Variants in TDP1 observed in about 807,000 individuals in gnomAD.
TDP1 encodes tyrosyl-DNA phosphodiesterase 1.
A neutral mutation model predicts 81.5 loss-of-function variants in TDP1; 64 were observed. The observed-to-expected ratio is 0.79, with a 90% CI of 0.64 to 0.97. TDP1 has a LOEUF of 0.97. TDP1 is among the 50% of genes least tolerant of loss of function. The pLI is 0.00. For synonymous variants in TDP1, 256 were observed against 264.3 expected, an observed-to-expected ratio of 0.97 and a Z score of 0.30; for missense variants, 723 against 743.8, an observed-to-expected ratio of 0.97 and a Z score of 0.33.
At chr14:89,983,052 T>TA in intron 8 of TDP1, 1 of 451,354 alleles carries the variant, frequency 2.2e-6, no homozygotes, top group Non-Finnish European at 4.4e-6. Flanking sequence ...TGTGATGTGT[T>TA]AAAAATGCCT....
At chr14:89,983,154 A>T (rs921375721) in intron 8 of TDP1, 5 of 455,748 alleles carry the variant, frequency 1.1e-5, no homozygotes, top group African/African-American at 1.0e-4. Context: ...GAGGAGCCTC[A>T]CTCAGCCTGG....
At chr14:90,002,352 G>A (rs888340417) in intron 14 of TDP1, among the ~76,000 whole-genome samples, 1 of 152,118 alleles carries the variant, frequency 6.6e-6, no homozygotes, top group Non-Finnish European at 1.5e-5. Flanking sequence ...TTTGGAAAAC[G>A]CATTTATACC....
chr14:89,991,597 G>T, intron 12 of TDP1: 1 of 985,090 alleles, frequency 1.0e-6, no homozygotes, highest in Non-Finnish European at 1.2e-6. Context: ...TTTTCAGTAT[G>T]TTTGTGTTAC....
rs1347483075 is a variant in TDP1, at chr14:89,984,561, C to G, written c.930C>G (p.His310Gln). 5 of 1,613,998 alleles carry G rather than the reference C, an allele frequency of 3.1e-6. No individual in the cohort carries two copies. The highest frequency in any genetic ancestry group is 3.4e-6 in the Non-Finnish European group (4 of 1,180,032). Reference protein sequence around the residue: ...PLYPRIADGTHKSGESPTHFK... With the variant: ...PLYPRIADGTQKSGESPTHFK... ...ACCCACGAATTGCTGATGGAACCCA[C>G]AAATCTGGAGAGTCGCCAACACATT... Residue 310 changes from histidine to glutamine, a missense_variant, in exon 9 of 17, where the codon CAC becomes CAG. Coordinates refer to ENST00000335725, the MANE Select transcript of TDP1 (RefSeq NM_018319.4).
intron 14 of TDP1, among the ~76,000 whole-genome samples, chr14:89,994,051 C>A (rs1043676016): frequency 1.3e-4 from 20 of 152,114 alleles, no homozygotes; most frequent in South Asian, 6.2e-4. Context: ...ATTTTTGTGT[C>A]TATTTTTATA....
chr14:89,975,324 C>T (rs1894157116), intron 6 of TDP1: 1 of 672,058 alleles, frequency 1.5e-6, no homozygotes, highest in Non-Finnish European at 1.8e-6. Context: ...GATGTGCCCG[C>T]CTCAGCCTCC....
At chr14:90,014,332 C>A (rs1375351078) in intron 14 of TDP1, among the ~76,000 whole-genome samples, 6 of 152,150 alleles carry the variant, frequency 3.9e-5, no homozygotes, top group Non-Finnish European at 8.8e-5. Context: ...ATCCATAAAA[C>A]AGAGCCTAAG....
chr14:89,988,377 C>A (rs1895803516), intron 10 of TDP1: 1 of 154,854 alleles, frequency 6.5e-6, no homozygotes, highest in African/African-American at 2.4e-5. Flanking sequence ...CTAATCATGC[C>A]TTGGTCTTTA....
intron 16 of TDP1, among the ~76,000 whole-genome samples, chr14:90,042,042 C>CGG (rs1259709644): frequency 6.6e-6 from 1 of 152,098 alleles, no homozygotes; most frequent in Non-Finnish European, 1.5e-5. Context: ...TTAAGAGGGA[C>CGG]GGAGGAGGTG....
At chr14:90,032,113 G>A (rs527253566) in intron 15 of TDP1, among the ~76,000 whole-genome samples, 7 of 152,250 alleles carry the variant, frequency 4.6e-5, no homozygotes, top group African/African-American at 1.7e-4. Flanking sequence ...ATAAAGTGTC[G>A]AATGAACGAA....
chr14:90,021,149 GT>G (rs1178415468), intron 15 of TDP1, among the ~76,000 whole-genome samples: 1 of 152,100 alleles, frequency 6.6e-6, no homozygotes, highest in Admixed American at 6.5e-5. Context: ...GTCGTTCACT[GT>G]TTCTCACACC....
At chr14:89,985,431 C>A (rs1478562787) in intron 10 of TDP1, among the ~76,000 whole-genome samples, 1 of 152,044 alleles carries the variant, frequency 6.6e-6, no homozygotes, top group Admixed American at 6.5e-5. Flanking sequence ...AATATATAGA[C>A]CTTTTCTAGT....
intron 14 of TDP1, among the ~76,000 whole-genome samples, chr14:90,005,315 CAG>C (rs947842036): frequency 5.3e-5 from 8 of 152,096 alleles, no homozygotes; most frequent in Non-Finnish European, 1.2e-4. Context: ...CAACAGTGGG[CAG>C]AGAGAGATGA....
At chr14:89,983,976 G>A (rs1290578822) in intron 8 of TDP1, 3 of 239,768 alleles carry the variant, frequency 1.3e-5, no homozygotes, top group South Asian at 3.1e-4. Context: ...GCTGCTATAG[G>A]ACCTACGTTA....
At chr14:89,981,524 G>A (rs1424208445) in intron 8 of TDP1, 1 of 453,068 alleles carries the variant, frequency 2.2e-6, no homozygotes, top group East Asian at 7.0e-5. Context: ...CTTCTGTGTT[G>A]GGAGAAACTC....
At chr14:89,997,646 G>A (rs1394015519) in intron 14 of TDP1, among the ~76,000 whole-genome samples, 1 of 152,096 alleles carries the variant, frequency 6.6e-6, no homozygotes, top group African/African-American at 2.4e-5. Context: ...CAACGCCTGG[G>A]CATTGAGGAA....
At chr14:89,965,024 A>T (rs1454404784) in intron 3 of TDP1, 1 of 193,844 alleles carries the variant, frequency 5.2e-6, no homozygotes, top group African/African-American at 2.4e-5. Context: ...AGAAGATCTC[A>T]TGGAGGAAGG....
chr14:90,041,420 G>A (rs545924529), intron 16 of TDP1, among the ~76,000 whole-genome samples: 24 of 152,360 alleles, frequency 1.6e-4, no homozygotes, highest in African/African-American at 3.1e-4. Context: ...GACAAACAGC[G>A]TTCTGATGAT....
chr14:89,980,349 A>G (rs1894827263), intron 7 of TDP1, 191 bp from the exon 8 acceptor site: 5 of 978,384 alleles, frequency 5.1e-6, no homozygotes, highest in African/African-American at 1.8e-5. Flanking sequence ...CCTTTCTGAA[A>G]GGTTTTCATC....
Sources: allele counts gnomAD v4.1 joint callset (sites outside exome capture counted in the v4.1 genomes callset), GRCh38; gene constraint gnomAD v4.1.1; transcripts MANE v1.5; gene names NCBI Gene and HGNC (gene_info 2026-07-23, HGNC 2026-07-21).